SKAP2: variants seen among roughly 807,000 people sequenced by gnomAD.
SKAP2 encodes the protein src kinase associated phosphoprotein 2.
SKAP2 carries 28 observed loss-of-function variants against 54.9 expected under a neutral mutation model. The ratio of observed to expected loss-of-function variants is 0.51; its 90% confidence interval spans 0.38 to 0.70. The LOEUF (loss-of-function observed/expected upper bound fraction) is 0.70, where lower values mean the gene tolerates loss of function less well. SKAP2 is among the 30% of genes least tolerant of loss of function. SKAP2 has a pLI of 0.00. For missense variants in SKAP2, 356 were observed against 424.1 expected (o/e 0.84, Z 1.41); for synonymous variants, 137 against 134.3 (o/e 1.02, Z -0.14).
intron 4 of SKAP2, among the ~76,000 whole-genome samples, chr7:26,827,534 G>C (rs1333067534): frequency 6.6e-6 from 1 of 152,094 alleles, no homozygotes; most frequent in East Asian, 1.9e-4. Context: ...CTATGGCTAT[G>C]GAGGAAGATA....
chr7:26,719,358 T>C (rs528543649), intron 9 of SKAP2, among the ~76,000 whole-genome samples: 82 of 152,062 alleles, frequency 5.4e-4, no homozygotes, highest in Non-Finnish European at 9.4e-4. Flanking sequence ...ATCATCTCAA[T>C]CCTACTAGCC....
chr7:26,794,345 C>T (rs923231181), intron 4 of SKAP2, among the ~76,000 whole-genome samples: 6 of 152,196 alleles, frequency 3.9e-5, no homozygotes, highest in African/African-American at 1.4e-4. Context: ...AGAATGACCC[C>T]GTATGGCAGA....
intron 1 of SKAP2, among the ~76,000 whole-genome samples, chr7:26,861,468 C>T (rs1168367962): frequency 6.6e-6 from 1 of 152,028 alleles, no homozygotes; most frequent in African/African-American, 2.4e-5. Flanking sequence ...CTTTTCTGTT[C>T]ATATAACCAA....
chr7:26,820,278 C>CATT (rs1448050276), intron 4 of SKAP2, among the ~76,000 whole-genome samples: 2 of 152,110 alleles, frequency 1.3e-5, no homozygotes, highest in Non-Finnish European at 2.9e-5. Context: ...AAAACAGTAT[C>CATT]TACTAATAAG....
At chr7:26,834,688 T>C (rs189700081) in intron 4 of SKAP2, among the ~76,000 whole-genome samples, 1 of 152,262 alleles carries the variant, frequency 6.6e-6, no homozygotes. Flanking sequence ...AGTTCTGAAA[T>C]TGAGGCAGTA....
intron 4 of SKAP2, among the ~76,000 whole-genome samples, chr7:26,772,767 T>C (rs891119918): frequency 2.0e-5 from 3 of 152,224 alleles, no homozygotes; most frequent in Non-Finnish European, 2.9e-5. Flanking sequence ...GTTTGTTTTG[T>C]GGGAACCAAG....
chr7:26,687,315 T>C (rs1786669084), intron 10 of SKAP2, among the ~76,000 whole-genome samples: 1 of 151,684 alleles, frequency 6.6e-6, no homozygotes, highest in African/African-American at 2.4e-5. Context: ...GCAACAGAGC[T>C]AGTGATTTGG....
At chr7:26,864,055 TCACACACACACA>T (rs35995014) in intron 1 of SKAP2, among the ~76,000 whole-genome samples, 3 of 143,438 alleles carry the variant, frequency 2.1e-5, no homozygotes, top group East Asian at 4.1e-4. Context: ...CGCCCTTCTG[TCACACACACACA>T]CACACACACA....
intron 5 of SKAP2, among the ~76,000 whole-genome samples, chr7:26,739,462 G>C (rs1476518255): frequency 6.6e-6 from 1 of 152,192 alleles, no homozygotes; most frequent in Non-Finnish European, 1.5e-5. Context: ...CCAATGGAGA[G>C]GAACACTGAA....
At chr7:26,732,675 T>C (rs1317120365) in intron 6 of SKAP2, among the ~76,000 whole-genome samples, 4 of 152,214 alleles carry the variant, frequency 2.6e-5, no homozygotes, top group Non-Finnish European at 4.4e-5. Flanking sequence ...ACCTTGCCAC[T>C]AAATTTTATC....
chr7:26,690,226 TA>T (rs1471930735), intron 10 of SKAP2, 58 bp downstream of exon 10: 1 of 1,225,342 alleles, frequency 8.2e-7, no homozygotes, highest in Non-Finnish European at 1.2e-6. Flanking sequence ...AGAACATGGA[TA>T]AAATGAAAGT....
At chr7:26,696,212 T>C (rs1786891526) in intron 9 of SKAP2, among the ~76,000 whole-genome samples, 1 of 152,204 alleles carries the variant, frequency 6.6e-6, no homozygotes, top group Non-Finnish European at 1.5e-5. Context: ...TAGACTATTA[T>C]TTTACAGCAA....
chr7:26,693,891 G>GA (rs1052705740), intron 9 of SKAP2, among the ~76,000 whole-genome samples: 8 of 151,874 alleles, frequency 5.3e-5, no homozygotes, highest in African/African-American at 1.7e-4. Flanking sequence ...CTTAGGCAGG[G>GA]AAAAAAACCT....
rs889861776 is a variant in SKAP2 at position 26,795,353 on chromosome 7, C to T, written c.307+48677G>A. ...ACTAAGTGTTATCACTTTTTCCTAC[C>T]AGAAAGCTCCAAGCTTTTGAATAAG... On this transcript the variant is annotated intron_variant, in intron 4 of 12. Coordinates refer to ENST00000345317, the MANE Select transcript of SKAP2 (RefSeq NM_003930.5). 1.1e-4 allele frequency among the ~76,000 whole-genome samples: 17 copies of T among 152,064 alleles called. 1 individual carries two copies. The highest frequency in any genetic ancestry group is 4.1e-4 in the South Asian group (2 of 4,830).
chr7:26,799,578 T>C lies in SKAP2; in HGVS notation c.307+44452A>G, dbSNP rs541681804. 2.0e-5 allele frequency among the ~76,000 whole-genome samples: 3 copies of C among 152,236 alleles called. No individual in the cohort carries two copies. The South Asian group carries it at 6.2e-4, about 32-fold the overall frequency. On this transcript the variant is annotated intron_variant, in intron 4 of 12. Coordinates refer to ENST00000345317, the MANE Select transcript of SKAP2 (RefSeq NM_003930.5). Reference sequence around the variant, plus strand: ...TATATAAGGAAAATATTATCAGAGCTAAAGAAAGAGATAGGCCCTGATACA... The same window carrying C: ...TATATAAGGAAAATATTATCAGAGCCAAAGAAAGAGATAGGCCCTGATACA...
intron 11 of SKAP2, among the ~76,000 whole-genome samples, chr7:26,677,394 T>TAAAAAAAA (rs1322136047): frequency 8.6e-4 from 63 of 72,922 alleles, no homozygotes; most frequent in African/African-American, 3.1e-3. Flanking sequence ...TCTGTCTCAA[T>TAAAAAAAA]AAAAAAAAAA....
intron 4 of SKAP2, among the ~76,000 whole-genome samples, chr7:26,839,476 T>G (rs772134122): frequency 2.0e-5 from 3 of 152,114 alleles, no homozygotes; most frequent in Non-Finnish European, 4.4e-5. Flanking sequence ...ATGTTATATA[T>G]GCAAAAATAT....
intron 4 of SKAP2, among the ~76,000 whole-genome samples, chr7:26,828,099 C>G (rs991862474): frequency 5.9e-5 from 9 of 152,110 alleles, no homozygotes. Flanking sequence ...CCCTTAGATC[C>G]CACCGCTATA....
At chr7:26,722,262 C>T (rs2127954548) in intron 9 of SKAP2, among the ~76,000 whole-genome samples, 1 of 150,980 alleles carries the variant, frequency 6.6e-6, no homozygotes, top group East Asian at 2.0e-4. Flanking sequence ...AATAAATGAA[C>T]AAGAAATTAA....
Sources: gnomAD v4.1 joint callset for allele counts (sites outside exome capture counted in the v4.1 genomes callset) on GRCh38, gnomAD v4.1.1 for gene constraint, MANE v1.5 for transcripts, NCBI Gene and HGNC (gene_info 2026-07-23, HGNC 2026-07-21) for gene names.